SEMA3B: variants seen among roughly 807,000 people sequenced by gnomAD.
The protein encoded by SEMA3B is semaphorin 3B.
A neutral mutation model predicts 77.8 loss-of-function variants in SEMA3B; 71 were observed. That is an observed-to-expected ratio of 0.91 (90% CI 0.75 to 1.11). The LOEUF (loss-of-function observed/expected upper bound fraction) is 1.11, where lower values mean the gene tolerates loss of function less well. Ranked by LOEUF, SEMA3B falls within the 50% of genes most tolerant of loss-of-function variation. SEMA3B has a pLI of 0.00. For synonymous variants in SEMA3B, 470 were observed against 452.9 expected (o/e 1.04, Z -0.48); for missense variants, 968 against 1,056.8 (o/e 0.92, Z 1.17).
the SEMA3B span, chr3:50,262,148 A>C: frequency 1.3e-5 from 2 of 152,368 alleles, no homozygotes; most frequent in Admixed American, 6.5e-5. Context: ...TACAAAAATT[A>C]GCTGGGCATG....
At chr3:50,268,456 CAT>C (rs201705456), upstream of SEMA3B, among the ~76,000 whole-genome samples, 866 of 152,366 alleles carry the variant, frequency 5.7e-3, 7 homozygotes, top group African/African-American at 0.02. Flanking sequence ...ACATATCACA[CAT>C]ATGTACTGCA....
upstream of SEMA3B, among the ~76,000 whole-genome samples, chr3:50,264,035 CA>C (rs71631050): frequency 7.3e-5 from 11 of 149,916 alleles, no homozygotes; most frequent in South Asian, 2.1e-4. Flanking sequence ...TCATCTCTAC[CA>C]AAAAAAAATA....
Position 50,273,848 on chromosome 3 carries a change from G to A in SEMA3B, c.992+20G>A, listed in dbSNP as rs1418941819. On this transcript the variant is annotated intron_variant, in intron 9 of 16. Transcript: ENST00000616701. The surrounding 1 kb of genome is among the most constrained non-coding windows in gnomAD (Gnocchi z 6.5). ...GTCCAGGTGAGGGGCAGGAGGTAGG[G>A]AGCGCCCGGGGCGGGCCGCTGGGCT... 1 of 1,567,846 alleles carries A rather than the reference G, an allele frequency of 6.4e-7. No homozygotes were observed. Among genetic ancestry groups the A allele is most frequent in the Admixed American group, 1.9e-5 (1 of 53,744 alleles).
rs1325759606 is a variant in SEMA3B at position 50,269,596 on chromosome 3, GTC to G, written c.109+251_109+252del. 3.9e-5 allele frequency among the ~76,000 whole-genome samples: 6 copies of G among 152,282 alleles called. No homozygotes were observed. In the East Asian group the frequency reaches 1.2e-3, roughly 29 times the overall value. ...TCCTGTCCCCACAGCAACAGACCTTGTCTCTGTTCCGTTCAGTACCCCCAACA... is the reference window on the plus strand; with the variant it reads ...TCCTGTCCCCACAGCAACAGACCTTGTCTGTTCCGTTCAGTACCCCCAACA... On this transcript the variant is annotated intron_variant, in intron 1 of 16. Coordinates refer to ENST00000616701, the MANE Select transcript of SEMA3B (RefSeq NM_001290060.2). This position sits in a 1 kb window ranked among gnomAD's most constrained non-coding sequence, Gnocchi z 4.0.
upstream of SEMA3B, chr3:50,262,602 G>A (rs782773819): frequency 6.6e-6 from 1 of 152,226 alleles, no homozygotes; most frequent in African/African-American, 2.4e-5. Flanking sequence ...TCAGTCACAC[G>A]GTGATGGGCA....
chr3:50,271,614 C>G, intron 6 of SEMA3B, 134 bp downstream of exon 6: 1 of 1,290,538 alleles, frequency 7.7e-7, no homozygotes, highest in Non-Finnish European at 1.1e-6. Flanking sequence ...CAGGCACTGG[C>G]GTCACAGAGA....
At position 50,275,261 on chromosome 3, in the gene SEMA3B, G is replaced by A. The variant is rs1701192604; in HGVS notation, c.1492-41G>A. ...CCCTGACCGATGGGAGGCAGGCGTG[G>A]GGTCGCCCTCGGTCAGCCCAGAGCC... On this transcript the variant is annotated intron_variant, in intron 13 of 16. Transcript: ENST00000616701. The surrounding 1 kb of genome is among the most constrained non-coding windows in gnomAD (Gnocchi z 7.5). 2.7e-6 allele frequency: 4 copies of A among 1,484,742 alleles called. No individual in the cohort carries two copies. The highest frequency in any genetic ancestry group is 3.6e-6 in the Non-Finnish European group (4 of 1,114,786). 92.0% of individuals were successfully genotyped at this position (1,484,742 alleles called of 1,614,324 possible). A position where few individuals can be genotyped will look rare whatever the true frequency, so the allele number is the denominator to read the frequency against.
At position 50,276,550 on chromosome 3, in the gene SEMA3B, G is replaced by A. The variant is rs1237070336; in HGVS notation, c.2094G>A (p.Pro698=). ...GGGACTTTCTGCAGCTGGTGGAGCC[G>A]GGCGGAGGTGGCAGCGCGAACTCCC... ...WYRDFLQLVE[P]GGGGSANSLR... Residue 698 remains proline (P), a synonymous_variant, in exon 17 of 17, where the codon CCG becomes CCA. Coordinates refer to ENST00000616701, the MANE Select transcript of SEMA3B (RefSeq NM_001290060.2). The surrounding 1 kb of genome is among the most constrained non-coding windows in gnomAD (Gnocchi z 5.8). The A allele has an allele frequency of 1.1e-5, 17 of 1,537,710 alleles. No individual in the cohort carries two copies. Among genetic ancestry groups the A allele is most frequent in the Admixed American group, 3.9e-5 (2 of 50,928 alleles).
Position 50,269,157 on chromosome 3 carries a change from C to T in SEMA3B, c.-84C>T. On this transcript the variant is annotated 5_prime_UTR_variant, in exon 1 of 17. Transcript: ENST00000616701. The surrounding 1 kb of genome is among the most constrained non-coding windows in gnomAD (Gnocchi z 4.0). ...CTCGCCCTCACTGCTGACTCCTCTT[C>T]CAGATCCTGGGGCAGAGTCCAGGGC... The T allele has an allele frequency of 9.6e-7, 1 of 1,046,358 alleles. No individual in the cohort carries two copies. The highest frequency in any genetic ancestry group is 1.4e-6 in the Non-Finnish European group (1 of 703,216). The allele number at this position is 1,046,358 out of a possible 1,614,324, so 64.8% of individuals were successfully genotyped here. A position where few individuals can be genotyped will look rare whatever the true frequency, so the allele number is the denominator to read the frequency against.
rs782389496 is a variant in SEMA3B, at chr3:50,275,616, G to A, written c.1705+1G>A. On this transcript the variant is annotated splice_donor_variant, in intron 15 of 16. Transcript: ENST00000616701. LOFTEE classifies it high-confidence loss of function. This position sits in a 1 kb window ranked among gnomAD's most constrained non-coding sequence, Gnocchi z 7.5. The stretch of plus-strand genomic sequence containing the variant: ...GACCCCAGCACGTTGTGCTCCGGAG[G>A]TGAGTGCCCCAGCTGCCCCTACCCT... 2.5e-5 allele frequency: 41 copies of A among 1,613,704 alleles called. No homozygotes were observed. In the East Asian group the frequency reaches 6.9e-4, roughly 27 times the overall value.
upstream of SEMA3B, chr3:50,266,622 A>T (rs1259386509): frequency 6.6e-6 from 1 of 152,250 alleles, no homozygotes; most frequent in African/African-American, 2.4e-5. Context: ...TTTTGCGGGG[A>T]TGGAAGGATC....
Position 50,275,982 on chromosome 3 carries a change from C to G in SEMA3B, c.1845+138C>G. On this transcript the variant is annotated intron_variant, in intron 16 of 16. Coordinates refer to ENST00000616701, the MANE Select transcript of SEMA3B (RefSeq NM_001290060.2). The surrounding 1 kb of genome is among the most constrained non-coding windows in gnomAD (Gnocchi z 7.5). The stretch of plus-strand genomic sequence containing the variant: ...CCAGTTTGGTCCCTCACCTGCACTC[C>G]ACAAGCTGCTGAGGCCCCATTGCGT... The G allele has an allele frequency of 8.4e-7, 1 of 1,194,164 alleles. No homozygotes were observed. The highest frequency in any genetic ancestry group is 1.1e-6 in the Non-Finnish European group (1 of 880,838). The allele number at this position is 1,194,164 out of a possible 1,614,324, so 74.0% of individuals were successfully genotyped here. A position where few individuals can be genotyped will look rare whatever the true frequency, so the allele number is the denominator to read the frequency against.
Position 50,269,379 on chromosome 3 carries a change from A to C in SEMA3B, c.109+30A>C. ...GTGCACCTGGCAGGCGGGAGGGCCC[A>C]GCTTGAGGTGGGCAGGAAAGGGTCC... On this transcript the variant is annotated intron_variant, in intron 1 of 16. Transcript: ENST00000616701. This position sits in a 1 kb window ranked among gnomAD's most constrained non-coding sequence, Gnocchi z 4.0. 1 of 1,328,264 alleles carries C rather than the reference A, an allele frequency of 7.5e-7. No individual in the cohort carries two copies. The highest frequency in any genetic ancestry group is 1.4e-5 in the South Asian group (1 of 69,522). 82.3% of individuals were successfully genotyped at this position (1,328,264 alleles called of 1,614,324 possible).
At chr3:50,261,384 T>A in the SEMA3B span, 1 of 152,240 alleles carries the variant, frequency 6.6e-6, no homozygotes, top group African/African-American at 2.4e-5. Context: ...CTGGCCCACT[T>A]GAAATAATTG....
rs1286885356 is a variant in SEMA3B at position 50,270,048 on chromosome 3, G to T, written c.110-79G>T. On this transcript the variant is annotated intron_variant, in intron 1 of 16. Coordinates refer to ENST00000616701, the MANE Select transcript of SEMA3B (RefSeq NM_001290060.2). The surrounding 1 kb of genome is among the most constrained non-coding windows in gnomAD (Gnocchi z 4.7). ...CCAGGTCCTAATGGCAACCTTGGCCGATAGAGTCACCACCAGGCAGGACCT... is the reference window on the plus strand; with the variant it reads ...CCAGGTCCTAATGGCAACCTTGGCCTATAGAGTCACCACCAGGCAGGACCT... 1.4e-6 allele frequency: 2 copies of T among 1,427,402 alleles called. No individual in the cohort carries two copies. Among genetic ancestry groups the T allele is most frequent in the South Asian group, 2.9e-5 (2 of 69,284 alleles). 88.4% of individuals were successfully genotyped at this position (1,427,402 alleles called of 1,614,324 possible). A position where few individuals can be genotyped will look rare whatever the true frequency, so the allele number is the denominator to read the frequency against.
Position 50,275,451 on chromosome 3 carries a change from T to A in SEMA3B, c.1641T>A (p.Ser547Arg). 1 of 1,606,886 alleles carries A rather than the reference T, an allele frequency of 6.2e-7. No individual in the cohort carries two copies. Among genetic ancestry groups the A allele is most frequent in the Non-Finnish European group, 8.5e-7 (1 of 1,176,082 alleles). ...DGVACTRFQP[S>R]AKRRFRRQDV... ...TCGCGTGCACGCGCTTCCAGCCCAGTGCCAAGAGGTGGGCGGGGTCGGGGT... is the reference window on the plus strand; with the variant it reads ...TCGCGTGCACGCGCTTCCAGCCCAGAGCCAAGAGGTGGGCGGGGTCGGGGT... Residue 547 changes from serine to arginine, a missense_variant, in exon 14 of 17, where the codon AGT becomes AGA. Transcript: ENST00000616701. The surrounding 1 kb of genome is among the most constrained non-coding windows in gnomAD (Gnocchi z 7.5).
At position 50,276,876 on chromosome 3, in the gene SEMA3B, A is replaced by G. The variant is rs1351140341; in HGVS notation, c.*170A>G. On this transcript the variant is annotated 3_prime_UTR_variant, in exon 17 of 17. Coordinates refer to ENST00000616701, the MANE Select transcript of SEMA3B (RefSeq NM_001290060.2). This position sits in a 1 kb window ranked among gnomAD's most constrained non-coding sequence, Gnocchi z 5.8. ...GGGCAGCTGCGCGGGCTTATTTATT[A>G]ACAGGATAACCCTTGAATGTAGCAG... 2.0e-5 allele frequency: 15 copies of G among 762,984 alleles called. No individual in the cohort carries two copies. The East Asian group carries it at 4.8e-4, about 25-fold the overall frequency. The allele number at this position is 762,984 out of a possible 1,614,324, so 47.3% of individuals were successfully genotyped here. A position where few individuals can be genotyped will look rare whatever the true frequency, so the allele number is the denominator to read the frequency against.
chr3:50,271,354 T>C lies in SEMA3B; in HGVS notation c.545-7T>C. The C allele has an allele frequency of 6.4e-7, 1 of 1,568,084 alleles. No homozygotes were observed. Among genetic ancestry groups the C allele is most frequent in the East Asian group, 2.4e-5 (1 of 42,196 alleles). ...ATTTGCCTGAGTGGCCCTTGCTCTG[T>C]CTGCAGGGGAGGAGCTATACTCAGG... is the stretch of plus-strand genomic sequence containing the variant. On this transcript the variant is annotated splice_region_variant and splice_polypyrimidine_tract_variant and intron_variant, in intron 5 of 16. Transcript: ENST00000616701.
At chr3:50,268,539 T>C (rs1553704789), upstream of SEMA3B, among the ~76,000 whole-genome samples, 1 of 152,230 alleles carries the variant, frequency 6.6e-6, no homozygotes. Context: ...ACACACTATA[T>C]ATTTGCACAT....
Sources: allele counts gnomAD v4.1 joint callset (sites outside exome capture counted in the v4.1 genomes callset), GRCh38; gene constraint gnomAD v4.1.1; non-coding constraint Gnocchi (gnomAD v3.1); transcripts MANE v1.5; gene names NCBI Gene and HGNC (gene_info 2026-07-23, HGNC 2026-07-21).